The following GRIK1 variants were observed in gnomAD, a reference collection of about 807,000 sequenced individuals.
GRIK1 encodes the protein glutamate ionotropic receptor kainate type subunit 1, also known as glutamate receptor ionotropic, kainate 1.
A neutral mutation model predicts 105.7 loss-of-function variants in GRIK1; 69 were observed. That is an observed-to-expected ratio of 0.65 (90% CI 0.54 to 0.80). GRIK1 has a LOEUF of 0.80. Ranked by LOEUF, GRIK1 falls within the 30% of genes least tolerant of loss-of-function variation. GRIK1 has a pLI of 0.00. For missense variants in GRIK1, 1,109 were observed against 1,167.3 expected (o/e 0.95, Z 0.73); for synonymous variants, 438 against 431.3 (o/e 1.02, Z -0.19).
intron 1 of GRIK1, among the ~76,000 whole-genome samples, chr21:29,803,174 C>G (rs897610630): frequency 6.6e-6 from 1 of 152,050 alleles, no homozygotes; most frequent in Non-Finnish European, 1.5e-5. Flanking sequence ...TCCATCCTCC[C>G]GGCTGTTCCA....
At chr21:29,830,161 A>G (rs1015368177) in intron 1 of GRIK1, among the ~76,000 whole-genome samples, 9 of 152,104 alleles carry the variant, frequency 5.9e-5, no homozygotes, top group Admixed American at 6.6e-5. Context: ...ATGGAAATGT[A>G]TGAATCAAGA....
intron 1 of GRIK1, among the ~76,000 whole-genome samples, chr21:29,824,638 G>T (rs1394757113): frequency 2.0e-5 from 3 of 152,002 alleles, no homozygotes; most frequent in Non-Finnish European, 2.9e-5. Context: ...CATGTGGTCA[G>T]GTTAAAAGAA....
At chr21:29,815,287 G>A (rs528176652) in intron 1 of GRIK1, among the ~76,000 whole-genome samples, 1 of 152,234 alleles carries the variant, frequency 6.6e-6, no homozygotes, top group Admixed American at 6.5e-5. Flanking sequence ...CTTTAGGGAA[G>A]TCACCTAACT....
At chr21:29,819,341 A>G (rs1030977626) in intron 1 of GRIK1, among the ~76,000 whole-genome samples, 5 of 152,078 alleles carry the variant, frequency 3.3e-5, no homozygotes, top group Non-Finnish European at 7.4e-5. Context: ...TTGTGATACA[A>G]GGGAGTAAAA....
rs144121388 is a variant in GRIK1, at chr21:29,934,070, C to T, written c.118+5313G>A. ...AGGATTGAGAGATTACCACCACCGC[C>T]ATCTCCATCAATCCTTCCTCTAAAC... On this transcript the variant is annotated intron_variant, in intron 1 of 17. Transcript: ENST00000327783. Among the ~76,000 whole-genome samples, 843 of 152,302 alleles carry T rather than the reference C, an allele frequency of 5.5e-3. 5 individuals carry two copies. The highest frequency in any genetic ancestry group is 0.014 in the Middle Eastern group (4 of 292).
intron 1 of GRIK1, among the ~76,000 whole-genome samples, chr21:29,838,540 T>C (rs768069054): frequency 2.0e-5 from 3 of 152,214 alleles, no homozygotes; most frequent in Non-Finnish European, 4.4e-5. Context: ...TTCTGGCTCC[T>C]AGTTTAACTG....
At chr21:29,692,017 G>T (rs2063593924) in intron 2 of GRIK1, among the ~76,000 whole-genome samples, 1 of 152,208 alleles carries the variant, frequency 6.6e-6, no homozygotes, top group South Asian at 2.1e-4. Context: ...GAGTATGGGA[G>T]TGTGTGAACT....
intron 6 of GRIK1, among the ~76,000 whole-genome samples, chr21:29,649,930 A>G (rs1009058842): frequency 6.6e-6 from 1 of 152,226 alleles, no homozygotes; most frequent in Non-Finnish European, 1.5e-5. Context: ...AAGAGGAAGA[A>G]GAGAAAAACC....
At chr21:29,867,862 G>A (rs60707357) in intron 1 of GRIK1, among the ~76,000 whole-genome samples, 3,528 of 71,112 alleles carry the variant, frequency 0.05, 114 homozygotes, top group African/African-American at 0.15. Context: ...GAGAGAAAGA[G>A]AGAGAAAGAG....
Position 29,939,718 on chromosome 21 carries a change from C to T in GRIK1, c.-218G>A, listed in dbSNP as rs928450268. The T allele has an allele frequency of 1.4e-5, 6 of 431,460 alleles. No homozygotes were observed. The highest frequency in any genetic ancestry group is 1.2e-4 in the African/African-American group (6 of 48,360). 26.7% of individuals were successfully genotyped at this position (431,460 alleles called of 1,614,324 possible). ...CGGGGCTCCTCAGTGCTGTCGCTAG[C>T]CCATCACGGCTCCTCCTCCTCCTCT... is the stretch of plus-strand genomic sequence containing the variant. On this transcript the variant is annotated 5_prime_UTR_variant, in exon 1 of 18. Transcript: ENST00000327783.
chr21:29,649,355 C>G (rs940691101), intron 6 of GRIK1, among the ~76,000 whole-genome samples: 1 of 152,134 alleles, frequency 6.6e-6, no homozygotes. Flanking sequence ...GTGAGCTACC[C>G]TCTTCTGCTC....
intron 1 of GRIK1, among the ~76,000 whole-genome samples, chr21:29,757,362 A>G (rs1352784094): frequency 1.3e-5 from 2 of 152,208 alleles, no homozygotes; most frequent in Admixed American, 6.5e-5. Flanking sequence ...GGTAAACAGC[A>G]TACATATTTC....
chr21:29,839,193 GC>G (rs1851670428), intron 1 of GRIK1, among the ~76,000 whole-genome samples: 1 of 152,096 alleles, frequency 6.6e-6, no homozygotes, highest in African/African-American at 2.4e-5. Flanking sequence ...GGGACTACAA[GC>G]ACATGCCACC....
intron 14 of GRIK1, among the ~76,000 whole-genome samples, chr21:29,564,442 C>T (rs1418099687): frequency 1.3e-5 from 2 of 152,162 alleles, no homozygotes; most frequent in Non-Finnish European, 2.9e-5. Flanking sequence ...CCACCGCGCC[C>T]GGCCGCACCA....
chr21:29,927,987 A>G (rs946778387), intron 1 of GRIK1, among the ~76,000 whole-genome samples: 1 of 152,146 alleles, frequency 6.6e-6, no homozygotes, highest in African/African-American at 2.4e-5. Context: ...AGAGACAGAG[A>G]CACTAGTCCT....
intron 1 of GRIK1, among the ~76,000 whole-genome samples, chr21:29,762,043 G>A (rs2065539906): frequency 6.6e-6 from 1 of 152,210 alleles, no homozygotes; most frequent in Non-Finnish European, 1.5e-5. Context: ...CACTGCACCT[G>A]GCAAGAAACG....
In GRIK1 at chr21:29,749,252, G is replaced by A. The variant is rs555135121; in HGVS notation, c.119-55189C>T. On this transcript the variant is annotated intron_variant, in intron 1 of 17. Transcript: ENST00000327783. ...TAACTTTCTGATGAGCAAGTTGCAT[G>A]TTACAGTGGATATTGAACAATATAG... 11 of 152,336 alleles carry A rather than the reference G, an allele frequency of 7.2e-5. No individual in the cohort carries two copies. In the East Asian group the frequency reaches 1.9e-3, roughly 27 times the overall value. 9.4% of individuals were successfully genotyped at this position (152,336 alleles called of 1,614,324 possible). A position where few individuals can be genotyped will look rare whatever the true frequency, so the allele number is the denominator to read the frequency against.
At chr21:29,875,588 A>T (rs1442938510) in intron 1 of GRIK1, among the ~76,000 whole-genome samples, 1 of 152,176 alleles carries the variant, frequency 6.6e-6, no homozygotes, top group East Asian at 1.9e-4. Context: ...GCCTCTCAGC[A>T]GTTCCTCCTC....
At chr21:29,726,792 A>G (rs1396459438) in intron 1 of GRIK1, among the ~76,000 whole-genome samples, 2 of 151,810 alleles carry the variant, frequency 1.3e-5, no homozygotes, top group Non-Finnish European at 2.9e-5. Flanking sequence ...AGACACATAT[A>G]TAGGTATATA....
Sources: allele counts gnomAD v4.1 joint callset (sites outside exome capture counted in the v4.1 genomes callset), GRCh38; gene constraint gnomAD v4.1.1; transcripts MANE v1.5; gene names NCBI Gene and HGNC (gene_info 2026-07-23, HGNC 2026-07-21).